The following ZFYVE9 variants were observed in gnomAD, a reference collection of about 807,000 sequenced individuals.
ZFYVE9 encodes the protein zinc finger FYVE domain-containing protein 9.
Under a neutral mutation model 126.7 loss-of-function variants are expected in ZFYVE9, and 43 were observed. The ratio of observed to expected loss-of-function variants is 0.34; its 90% confidence interval spans 0.27 to 0.44. ZFYVE9 has a LOEUF of 0.44. ZFYVE9 is among the 20% of genes least tolerant of loss of function. ZFYVE9 has a pLI of 1.00. For synonymous variants in ZFYVE9, 521 were observed against 597.4 expected (o/e 0.87, Z 1.87); for missense variants, 1,476 against 1,697.0 (o/e 0.87, Z 2.29).
chr1:52,199,341 G>A (rs1644901485), intron 1 of ZFYVE9, among the ~76,000 whole-genome samples: 1 of 152,002 alleles, frequency 6.6e-6, no homozygotes, highest in Admixed American at 6.6e-5. Context: ...GGGATTACAG[G>A]AGTGAGCCAC....
chr1:52,295,753 C>G (rs1645967626), intron 11 of ZFYVE9, 142 bp from the exon 12 acceptor site: 2 of 614,420 alleles, frequency 3.3e-6, no homozygotes, highest in Non-Finnish European at 5.7e-6. Context: ...TGCTACCATG[C>G]CAAATACTTT....
At chr1:52,231,397 A>C (rs1474947549) in intron 2 of ZFYVE9, among the ~76,000 whole-genome samples, 1 of 151,946 alleles carries the variant, frequency 6.6e-6, no homozygotes, top group Non-Finnish European at 1.5e-5. Context: ...ACACACCTGT[A>C]GCCCCAGCTA....
Position 52,274,607 on chromosome 1 carries a change from C to T in ZFYVE9, c.2746+23C>T, listed in dbSNP as rs1307165099. On this transcript the variant is annotated intron_variant, in intron 8 of 18. Coordinates refer to ENST00000287727, the MANE Select transcript of ZFYVE9 (RefSeq NM_004799.4). The stretch of plus-strand genomic sequence containing the variant: ...GAGGTAAGTGGACTACATATTTAAA[C>T]AGTGATAGTTCTATCTGCCAAATGT... 4 of 1,585,454 alleles carry T rather than the reference C, an allele frequency of 2.5e-6. No individual in the cohort carries two copies. The South Asian group carries it at 4.6e-5, about 18-fold the overall frequency.
intron 1 of ZFYVE9, among the ~76,000 whole-genome samples, chr1:52,158,581 A>G (rs1455927205): frequency 6.6e-6 from 1 of 152,174 alleles, no homozygotes; most frequent in Non-Finnish European, 1.5e-5. Flanking sequence ...CCTTGGCGTA[A>G]CAAACCTGCC....
At chr1:52,193,905 G>A (rs1226098447) in intron 1 of ZFYVE9, among the ~76,000 whole-genome samples, 1 of 151,954 alleles carries the variant, frequency 6.6e-6, no homozygotes, top group Non-Finnish European at 1.5e-5. Context: ...ATGCTTATTC[G>A]TGCTTTATAT....
chr1:52,234,746 A>G (rs1308635068), intron 3 of ZFYVE9, among the ~76,000 whole-genome samples: 3 of 152,188 alleles, frequency 2.0e-5, no homozygotes. Context: ...TGTGAAATCT[A>G]ATCATTGGGG....
At chr1:52,337,372 A>C (rs1646399043) in intron 15 of ZFYVE9, among the ~76,000 whole-genome samples, 2 of 152,224 alleles carry the variant, frequency 1.3e-5, no homozygotes, top group South Asian at 4.1e-4. Context: ...GCAAACATTT[A>C]TTGGGCATTC....
chr1:52,250,700 A>C (rs1645435533), intron 4 of ZFYVE9, among the ~76,000 whole-genome samples: 1 of 151,960 alleles, frequency 6.6e-6, no homozygotes, highest in Non-Finnish European at 1.5e-5. Context: ...TCTTAAAGCA[A>C]AAGTTCTTTC....
chr1:52,246,698 ATTTTT>A (rs759969701), intron 4 of ZFYVE9, among the ~76,000 whole-genome samples: 4 of 99,284 alleles, frequency 4.0e-5, no homozygotes, highest in African/African-American at 1.6e-4. Context: ...CGTGTAACTA[ATTTTT>A]TTTTTTTTTT....
At chr1:52,195,261 G>A (rs1343278937) in intron 1 of ZFYVE9, among the ~76,000 whole-genome samples, 1 of 152,212 alleles carries the variant, frequency 6.6e-6, no homozygotes, top group Non-Finnish European at 1.5e-5. Flanking sequence ...AGGGTGAAAA[G>A]AGGTAAAGGA....
chr1:52,230,488 T>C (rs1645210576), intron 2 of ZFYVE9, among the ~76,000 whole-genome samples: 1 of 149,366 alleles, frequency 6.7e-6, no homozygotes, highest in East Asian at 2.0e-4. Flanking sequence ...CATATACCTA[T>C]GTAATCTGCA....
At chr1:52,229,936 C>T (rs1257880585) in intron 2 of ZFYVE9, among the ~76,000 whole-genome samples, 23 of 149,010 alleles carry the variant, frequency 1.5e-4, no homozygotes, top group African/African-American at 5.0e-4. Context: ...GGTGTGATCT[C>T]GGCTCACTGC....
intron 1 of ZFYVE9, among the ~76,000 whole-genome samples, chr1:52,167,391 C>T (rs769091459): frequency 1.4e-4 from 22 of 152,242 alleles, no homozygotes; most frequent in African/African-American, 4.3e-4. Flanking sequence ...GGTAAGTGGA[C>T]GAAGCCAGTG....
intron 13 of ZFYVE9, among the ~76,000 whole-genome samples, chr1:52,318,452 A>C (rs1438298482): frequency 3.3e-5 from 5 of 151,472 alleles, no homozygotes; most frequent in African/African-American, 1.2e-4. Context: ...TCACAAGCTA[A>C]TGATTATCTA....
intron 1 of ZFYVE9, among the ~76,000 whole-genome samples, chr1:52,159,379 C>G (rs1572062846): frequency 6.6e-6 from 1 of 152,106 alleles, no homozygotes; most frequent in Non-Finnish European, 1.5e-5. Context: ...GCTGCTGAGA[C>G]AGGACTATAA....
intron 13 of ZFYVE9, among the ~76,000 whole-genome samples, chr1:52,326,758 A>G (rs537059508): frequency 3.1e-4 from 47 of 151,260 alleles, no homozygotes; most frequent in Non-Finnish European, 5.3e-4. Flanking sequence ...AATCCCAGCT[A>G]CTTGAGAGGC....
intron 4 of ZFYVE9, among the ~76,000 whole-genome samples, chr1:52,254,642 A>G (rs1044666612): frequency 6.6e-6 from 1 of 152,230 alleles, no homozygotes; most frequent in Admixed American, 6.5e-5. Flanking sequence ...GTTACTAAAT[A>G]GCAAATACAT....
chr1:52,155,234 C>CTTTTTTTTTTT (rs202048189), intron 1 of ZFYVE9, among the ~76,000 whole-genome samples: 21 of 129,086 alleles, frequency 1.6e-4, no homozygotes, highest in African/African-American at 3.8e-4. Flanking sequence ...TCTTTTTTTT[C>CTTTTTTTTTTT]TTTTTTTTTT....
chr1:52,206,924 T>G (rs1432607138), intron 1 of ZFYVE9, among the ~76,000 whole-genome samples: 1 of 152,214 alleles, frequency 6.6e-6, no homozygotes, highest in Non-Finnish European at 1.5e-5. Flanking sequence ...TGAGTCAGTT[T>G]CATTTGATAA....
Sources: gnomAD v4.1 joint callset for allele counts (sites outside exome capture counted in the v4.1 genomes callset) on GRCh38, gnomAD v4.1.1 for gene constraint, MANE v1.5 for transcripts, NCBI Gene and HGNC (gene_info 2026-07-23, HGNC 2026-07-21) for gene names.